CACHD1: variants seen among roughly 807,000 people sequenced by gnomAD.
The protein encoded by CACHD1 is VWFA and cache domain-containing protein 1.
Under a neutral mutation model 138.7 loss-of-function variants are expected in CACHD1, and 71 were observed. That is an observed-to-expected ratio of 0.51 (90% CI 0.42 to 0.62). The LOEUF is 0.62. Ranked by LOEUF, CACHD1 falls within the 20% of genes least tolerant of loss-of-function variation. The probability of loss-of-function intolerance (pLI) is 0.00; values close to 1 mark genes in which losing one functional copy is unlikely to be tolerated. For missense variants in CACHD1, 1,389 were observed against 1,625.3 expected, an observed-to-expected ratio of 0.85 and a Z score of 2.50; for synonymous variants, 578 against 591.5, an observed-to-expected ratio of 0.98 and a Z score of 0.33.
intron 16 of CACHD1, among the ~76,000 whole-genome samples, chr1:64,666,970 TA>T (rs998769400): frequency 1.3e-5 from 2 of 151,580 alleles, no homozygotes; most frequent in Admixed American, 6.6e-5. Context: ...TTTTCTTCTT[TA>T]AAAAAAAATT....
chr1:64,625,508 TC>T (rs1029551005), intron 4 of CACHD1, among the ~76,000 whole-genome samples: 36 of 152,066 alleles, frequency 2.4e-4, no homozygotes, highest in African/African-American at 8.7e-4. Context: ...ATGCCTGTAA[TC>T]CCAGCTACTT....
At position 64,654,730 on chromosome 1, in the gene CACHD1, C is replaced by G. The variant is rs1649208175; in HGVS notation, c.1709C>G (p.Ser570Cys). The G allele has an allele frequency of 1.9e-6, 3 of 1,613,946 alleles. No individual in the cohort carries two copies. In the East Asian group the frequency reaches 6.7e-5, roughly 36 times the overall value. Residue 570 changes from serine to cysteine, a missense_variant, in exon 12 of 27, where the codon TCC becomes TGC. Ser to Cys is a moderately radical substitution (Grantham distance 112, BLOSUM62 -1). Transcript: ENST00000651257. The stretch of plus-strand genomic sequence containing the variant: ...ATTATCGCAGTCCCTGTGAACTCAT[C>G]CCTGTCTTGGCACATAAACAAGCTG... ...SQIIAVPVNSSLSWHINKLRE... is the reference protein window; with the variant it reads ...SQIIAVPVNSCLSWHINKLRE...
chr1:64,632,065 T>G (rs1426276618), intron 5 of CACHD1, among the ~76,000 whole-genome samples: 2 of 151,988 alleles, frequency 1.3e-5, no homozygotes, highest in African/African-American at 4.8e-5. Flanking sequence ...ACCCTGGTGA[T>G]GGGACCTTTT....
rs770985910 is a variant in CACHD1, at chr1:64,602,956, GC to G, written c.517+45del. 1.2e-5 allele frequency: 14 copies of G among 1,197,960 alleles called. 1 individual carries two copies. The African/African-American group carries it at 2.1e-4, about 18-fold the overall frequency. The allele number at this position is 1,197,960 out of a possible 1,614,324, so 74.2% of individuals were successfully genotyped here. A position where few individuals can be genotyped will look rare whatever the true frequency, so the allele number is the denominator to read the frequency against. On this transcript the variant is annotated intron_variant, in intron 4 of 26. Coordinates refer to ENST00000651257, the MANE Select transcript of CACHD1 (RefSeq NM_020925.4). ...TTATAAAGATGAACTGTATTCTACT[GC>G]ATTCAAGTTGAATAAACATATTGCT...
chr1:64,509,335 G>A (rs556692962), intron 1 of CACHD1, among the ~76,000 whole-genome samples: 9 of 152,278 alleles, frequency 5.9e-5, no homozygotes, highest in Non-Finnish European at 8.8e-5. Context: ...AGTTCACTGG[G>A]CCTCAGCTCT....
intron 4 of CACHD1, chr1:64,613,645 A>G (rs1156911294): frequency 1.3e-5 from 2 of 152,072 alleles, no homozygotes; most frequent in East Asian, 1.9e-4. Flanking sequence ...AAACTCTCTT[A>G]TCATTTGGTT....
chr1:64,509,288 T>C (rs1267288164), intron 1 of CACHD1, among the ~76,000 whole-genome samples: 1 of 152,148 alleles, frequency 6.6e-6, no homozygotes, highest in Non-Finnish European at 1.5e-5. Flanking sequence ...AGTGTGGAGT[T>C]TTCATTTTTT....
chr1:64,557,719 A>G (rs1161504958), intron 2 of CACHD1, among the ~76,000 whole-genome samples: 4 of 151,990 alleles, frequency 2.6e-5, no homozygotes, highest in African/African-American at 9.7e-5. Context: ...GTCACAACCC[A>G]TCAAAAGAGG....
Position 64,647,841 on chromosome 1 carries a change from T to G in CACHD1, c.1197T>G (p.Asp399Glu), listed in dbSNP as rs1262103969. 1 of 1,614,156 alleles carries G rather than the reference T, an allele frequency of 6.2e-7. No homozygotes were observed. The highest frequency in any genetic ancestry group is 1.3e-5 in the African/African-American group (1 of 75,036). ...TGLKELAFLR[D>E]LAEQNSGKYG... Reference sequence around the variant, plus strand: ...TGAAAGAGCTGGCTTTTCTGAGGGATCTAGCTGAACAGAATTCAGGGAAGT... The same window carrying G: ...TGAAAGAGCTGGCTTTTCTGAGGGAGCTAGCTGAACAGAATTCAGGGAAGT... Residue 399 changes from aspartate to glutamate, a missense_variant, in exon 9 of 27, where the codon GAT becomes GAG. This residue lies in a region of CACHD1 where 1,000 missense variants were observed against 1,114.7 expected (regional missense o/e 0.90). Transcript: ENST00000651257.
In CACHD1 at chr1:64,647,922, G is replaced by A. The variant is rs138196118; in HGVS notation, c.1278G>A (p.Leu426=). The change falls in exon 9 of 27, where the codon CTG becomes CTA. Residue 426 remains leucine, a synonymous_variant. Transcript: ENST00000651257. ...TGATTAAGGGCAGCATGATGGTGCT[G>A]AATCAGTTGAGCAACCTGGAGACCA... ...LPVIKGSMMV[L]NQLSNLETTV... is the part of the protein sequence containing the mutation. 4 of 1,614,112 alleles carry A rather than the reference G, an allele frequency of 2.5e-6. No homozygotes were observed. In the African/African-American group the frequency reaches 5.3e-5, roughly 22 times the overall value.
rs564630169 is a variant in CACHD1 at position 64,531,626 on chromosome 1, C to G, written c.199-18968C>G. The stretch of plus-strand genomic sequence containing the variant: ...GGGAAAGTAAACAAGGTCAACAAGA[C>G]CATAAACTCTGAAAGAACCAATATC... On this transcript the variant is annotated intron_variant, in intron 1 of 26. Coordinates refer to ENST00000651257, the MANE Select transcript of CACHD1 (RefSeq NM_020925.4). 9.2e-5 allele frequency among the ~76,000 whole-genome samples: 14 copies of G among 152,062 alleles called. No homozygotes were observed. The South Asian group carries it at 2.9e-3, about 32-fold the overall frequency.
chr1:64,621,493 G>C (rs1456275609), intron 4 of CACHD1, among the ~76,000 whole-genome samples: 1 of 152,078 alleles, frequency 6.6e-6, no homozygotes, highest in South Asian at 2.1e-4. Flanking sequence ...TCCTATGTAA[G>C]AGATACTAAA....
chr1:64,624,167 C>G lies in CACHD1; in HGVS notation c.518-5188C>G, dbSNP rs376393342. ...CATATCCATCATCTTCTGCTAGTAC[C>G]AAATAATGGATGTAATTTAATCAGA... is the stretch of plus-strand genomic sequence containing the variant. On this transcript the variant is annotated intron_variant, in intron 4 of 26. Coordinates refer to ENST00000651257, the MANE Select transcript of CACHD1 (RefSeq NM_020925.4). Among the ~76,000 whole-genome samples, 18 of 152,312 alleles carry G rather than the reference C, an allele frequency of 1.2e-4. 3 individuals are homozygous for G. Among genetic ancestry groups the G allele is most frequent in the Admixed American group, 5.2e-4 (8 of 15,292 alleles).
chr1:64,628,233 C>G (rs570201148), intron 4 of CACHD1, among the ~76,000 whole-genome samples: 1 of 152,302 alleles, frequency 6.6e-6, no homozygotes, highest in Non-Finnish European at 1.5e-5. Flanking sequence ...ATTTTCTGGT[C>G]AAATACACCT....
At chr1:64,544,589 C>T (rs1435278037) in intron 1 of CACHD1, among the ~76,000 whole-genome samples, 1 of 150,184 alleles carries the variant, frequency 6.7e-6, no homozygotes, top group Non-Finnish European at 1.5e-5. Flanking sequence ...GCTACCCATG[C>T]ACACGTGCGC....
At chr1:64,496,268 T>C (rs1379061948) in intron 1 of CACHD1, among the ~76,000 whole-genome samples, 1 of 152,228 alleles carries the variant, frequency 6.6e-6, no homozygotes, top group Non-Finnish European at 1.5e-5. Context: ...AATATTTTGA[T>C]TGCTTTTTAG....
At chr1:64,514,467 GTCT>G (rs1487856287) in intron 1 of CACHD1, among the ~76,000 whole-genome samples, 2 of 152,138 alleles carry the variant, frequency 1.3e-5, no homozygotes, top group Non-Finnish European at 1.5e-5. Flanking sequence ...CGATATAAAA[GTCT>G]TCTAGCTTTA....
intron 1 of CACHD1, among the ~76,000 whole-genome samples, chr1:64,496,939 G>C (rs1359149469): frequency 6.6e-6 from 1 of 151,622 alleles, no homozygotes; most frequent in Non-Finnish European, 1.5e-5. Flanking sequence ...AGGTTTCCAT[G>C]GAGAGAACAT....
intron 4 of CACHD1, among the ~76,000 whole-genome samples, chr1:64,618,873 T>G (rs992367842): frequency 6.6e-6 from 1 of 152,126 alleles, no homozygotes; most frequent in African/African-American, 2.4e-5. Flanking sequence ...GGTGGACAGC[T>G]TGGTGTGTTT....
Sources: allele counts gnomAD v4.1 joint callset (sites outside exome capture counted in the v4.1 genomes callset), GRCh38; gene constraint gnomAD v4.1.1; regional missense constraint gnomAD v4.1.1; transcripts MANE v1.5; gene names NCBI Gene and HGNC (gene_info 2026-07-23, HGNC 2026-07-21).